Variants in FGD4 observed in about 807,000 individuals in gnomAD.
FGD4 encodes the protein FYVE, RhoGEF and PH domain-containing protein 4.
In FGD4, 42 loss-of-function variants were observed where a neutral mutation model predicts 102.0. That is an observed-to-expected ratio of 0.41 (90% CI 0.32 to 0.53). FGD4 has a LOEUF of 0.53. FGD4 is among the 20% of genes least tolerant of loss of function. The pLI, the probability that FGD4 is intolerant of heterozygous loss-of-function variation, is 0.21. For missense variants in FGD4, 902 were observed against 1,078.2 expected, an observed-to-expected ratio of 0.84 and a Z score of 2.29; for synonymous variants, 380 against 375.7, an observed-to-expected ratio of 1.01 and a Z score of -0.13.
At chr12:32,513,829 G>C (rs1939628029) in intron 1 of FGD4, among the ~76,000 whole-genome samples, 1 of 152,168 alleles carries the variant, frequency 6.6e-6, no homozygotes, top group African/African-American at 2.4e-5. Flanking sequence ...GTTTGCCTCA[G>C]GAACTGCAGT....
intron 1 of FGD4, among the ~76,000 whole-genome samples, chr12:32,456,123 GTTTA>G (rs1942943449): frequency 6.6e-6 from 1 of 152,106 alleles, no homozygotes; most frequent in African/African-American, 2.4e-5. Context: ...TATGTCAAGT[GTTTA>G]TTTAAAGATA....
chr12:32,554,623 A>G (rs954241656), intron 1 of FGD4, among the ~76,000 whole-genome samples: 14 of 152,246 alleles, frequency 9.2e-5, no homozygotes, highest in African/African-American at 3.1e-4. Flanking sequence ...GTAGTTTGTT[A>G]GAAAGCCATA....
At chr12:32,466,071 C>A (rs1943245174) in intron 1 of FGD4, among the ~76,000 whole-genome samples, 1 of 152,092 alleles carries the variant, frequency 6.6e-6, no homozygotes, top group South Asian at 2.1e-4. Context: ...AGCTACTGTA[C>A]CCAGCCTAAA....
At chr12:32,586,053 A>G (rs1049869873) in intron 4 of FGD4, among the ~76,000 whole-genome samples, 1 of 152,048 alleles carries the variant, frequency 6.6e-6, no homozygotes, top group Non-Finnish European at 1.5e-5. Context: ...ATTTGGAGGA[A>G]TATTTCTGAC....
At chr12:32,617,296 G>A (rs1354386567) in intron 10 of FGD4, among the ~76,000 whole-genome samples, 1 of 152,100 alleles carries the variant, frequency 6.6e-6, no homozygotes, top group Non-Finnish European at 1.5e-5. Context: ...GGAGTTTTCT[G>A]TTCCTTATTT....
At chr12:32,423,965 A>C (rs1941743077) in intron 1 of FGD4, among the ~76,000 whole-genome samples, 1 of 151,708 alleles carries the variant, frequency 6.6e-6, no homozygotes, top group African/African-American at 2.4e-5. Flanking sequence ...ACATAAGCTG[A>C]GATCATACTG....
In FGD4 at chr12:32,572,636, C is replaced by G. The variant is rs149865368; in HGVS notation, c.320-3630C>G. On this transcript the variant is annotated intron_variant, in intron 2 of 16. Coordinates refer to ENST00000534526, the MANE Select transcript of FGD4 (RefSeq NM_001370298.3). ...TTGCCTACAATTTATAATCTTTTCC[C>G]TTCTTACATAACTAATTTGGGAAAT... Among the ~76,000 whole-genome samples the G allele has an allele frequency of 4.9e-3, 746 of 152,276 alleles. 5 individuals are homozygous for G. The highest frequency in any genetic ancestry group is 0.017 in the African/African-American group (717 of 41,550).
chr12:32,483,381 G>A (rs1424271484), intron 1 of FGD4, among the ~76,000 whole-genome samples: 3 of 152,062 alleles, frequency 2.0e-5, no homozygotes, highest in African/African-American at 2.4e-5. Context: ...ATTTTTCTAC[G>A]GCTAGATCCA....
intron 1 of FGD4, among the ~76,000 whole-genome samples, chr12:32,462,372 A>T (rs1042475516): frequency 6.6e-6 from 1 of 151,902 alleles, no homozygotes; most frequent in Non-Finnish European, 1.5e-5. Context: ...TGTTGGCCAG[A>T]CTGGCCTCAA....
chr12:32,619,399 C>T (rs1176156371), intron 10 of FGD4, among the ~76,000 whole-genome samples: 8 of 151,906 alleles, frequency 5.3e-5, no homozygotes, highest in Admixed American at 3.3e-4. Flanking sequence ...GAGGCTGAGG[C>T]GGGCGGATCA....
chr12:32,618,085 G>A (rs531052127), intron 10 of FGD4, among the ~76,000 whole-genome samples: 2 of 152,316 alleles, frequency 1.3e-5, no homozygotes, highest in South Asian at 2.1e-4. Context: ...TCATGTGAGC[G>A]TAACTACAAA....
chr12:32,416,160 C>A (rs1941405072), intron 1 of FGD4, among the ~76,000 whole-genome samples: 1 of 152,132 alleles, frequency 6.6e-6, no homozygotes, highest in Admixed American at 6.5e-5. Flanking sequence ...CCACCATGCC[C>A]AGCTAATTTT....
chr12:32,428,069 G>T (rs1393396978), intron 1 of FGD4, among the ~76,000 whole-genome samples: 2 of 152,136 alleles, frequency 1.3e-5, no homozygotes, highest in African/African-American at 2.4e-5. Flanking sequence ...TACATTTAAG[G>T]TTAGTATTGT....
intron 3 of FGD4, 92 bp from the exon 4 acceptor site, chr12:32,581,868 G>T: frequency 7.1e-7 from 1 of 1,418,430 alleles, no homozygotes; most frequent in Non-Finnish European, 9.8e-7. Context: ...AAAAAGTAGC[G>T]AATATCCCTT....
At chr12:32,615,559 AAAC>A (rs1949396132) in intron 10 of FGD4, among the ~76,000 whole-genome samples, 1 of 152,186 alleles carries the variant, frequency 6.6e-6, no homozygotes, top group Non-Finnish European at 1.5e-5. Context: ...GCTAAATAGA[AAAC>A]AAGGATGTGT....
intron 1 of FGD4, among the ~76,000 whole-genome samples, chr12:32,473,253 T>G (rs10844213): frequency 2.0e-5 from 3 of 151,432 alleles, no homozygotes; most frequent in Non-Finnish European, 4.4e-5. Context: ...AACCTGCTCG[T>G]GTCCCCTTCC....
At chr12:32,630,199 A>G (rs1950418203) in intron 14 of FGD4, among the ~76,000 whole-genome samples, 1 of 152,224 alleles carries the variant, frequency 6.6e-6, no homozygotes, top group Non-Finnish European at 1.5e-5. Flanking sequence ...TTTAACGTAA[A>G]GAAGCAAAGC....
chr12:32,625,245 G>A (rs1247226052), intron 13 of FGD4, among the ~76,000 whole-genome samples, 177 bp downstream of exon 13: 1 of 146,932 alleles, frequency 6.8e-6, no homozygotes, highest in African/African-American at 2.5e-5. Flanking sequence ...CATTCTACTT[G>A]AACTTCTTTG....
intron 11 of FGD4, among the ~76,000 whole-genome samples, chr12:32,620,758 C>T (rs1466529319): frequency 2.1e-5 from 3 of 144,146 alleles, no homozygotes; most frequent in African/African-American, 7.9e-5. Flanking sequence ...AGTGCAGTGC[C>T]CTGATCTCGG....
Sources: gnomAD v4.1 joint callset for allele counts (sites outside exome capture counted in the v4.1 genomes callset) on GRCh38, gnomAD v4.1.1 for gene constraint, MANE v1.5 for transcripts, NCBI Gene and HGNC (gene_info 2026-07-23, HGNC 2026-07-21) for gene names.